The following GRIA4 variants were observed in gnomAD, a reference collection of about 807,000 sequenced individuals.
GRIA4 encodes the protein glutamate receptor 4.
GRIA4 carries 34 observed loss-of-function variants against 104.0 expected under a neutral mutation model. The ratio of observed to expected loss-of-function variants is 0.33; its 90% CI spans 0.25 to 0.44. The LOEUF (loss-of-function observed/expected upper bound fraction) is 0.44, where lower values mean the gene tolerates loss of function less well. GRIA4 is among the 20% of genes least tolerant of loss of function. The pLI is 1.00. For synonymous variants in GRIA4, 386 were observed against 381.9 expected, an observed-to-expected ratio of 1.01 and a Z score of -0.13; for missense variants, 750 against 1,096.5, an observed-to-expected ratio of 0.68 and a Z score of 4.46.
intron 3 of GRIA4, among the ~76,000 whole-genome samples, chr11:105,641,026 A>G (rs1160203697): frequency 6.6e-6 from 1 of 152,136 alleles, no homozygotes; most frequent in Admixed American, 6.6e-5. Flanking sequence ...AACTATGTTT[A>G]CAATCATGGA....
intron 14 of GRIA4, among the ~76,000 whole-genome samples, chr11:105,936,203 G>C (rs1948030886): frequency 6.6e-6 from 1 of 152,136 alleles, no homozygotes; most frequent in South Asian, 2.1e-4. Context: ...GGATTCTTCT[G>C]CTTCAAATGA....
rs67901321 is a variant in GRIA4 at position 105,787,472 on chromosome 11, C to CTTTT, written c.487+34270_487+34273dup. ...GCAGTCTAAAAGATGTAAAGAATTC[C>CTTTT]TTTTTTTTTTTTTTTTTTTTTGAGA... On this transcript the variant is annotated intron_variant, in intron 4 of 16. Transcript: ENST00000282499. Among the ~76,000 whole-genome samples the CTTTT allele has an allele frequency of 1.7e-3, 165 of 98,568 alleles. 2 individuals carry two copies. Among genetic ancestry groups the CTTTT allele is most frequent in the Middle Eastern group, 8.5e-3 (1 of 118 alleles). The allele number at this position is 98,568 out of a possible 152,430, so 64.7% of individuals were successfully genotyped here.
intron 3 of GRIA4, among the ~76,000 whole-genome samples, chr11:105,678,063 G>C (rs1952596997): frequency 6.6e-6 from 1 of 152,058 alleles, no homozygotes; most frequent in Admixed American, 6.6e-5. Flanking sequence ...ATAAATATTT[G>C]TCAGATAAAA....
intron 3 of GRIA4, among the ~76,000 whole-genome samples, chr11:105,662,770 T>C (rs1952050973): frequency 6.6e-6 from 1 of 151,830 alleles, no homozygotes; most frequent in Non-Finnish European, 1.5e-5. Flanking sequence ...GGCAGAAAGC[T>C]ACACATTTCA....
At chr11:105,878,997 T>C (rs1945945308) in intron 5 of GRIA4, among the ~76,000 whole-genome samples, 1 of 152,218 alleles carries the variant, frequency 6.6e-6, no homozygotes, top group African/African-American at 2.4e-5. Context: ...AGCTTTGTGC[T>C]TGAAACCCAA....
chr11:105,808,557 C>G (rs668120), intron 4 of GRIA4, among the ~76,000 whole-genome samples: 68,268 of 151,844 alleles, frequency 0.45, 15,804 homozygotes, highest in Middle Eastern at 0.52. Context: ...TTGAGCATAC[C>G]TGTAATTCAA....
chr11:105,941,981 C>T (rs1056866801), intron 14 of GRIA4, among the ~76,000 whole-genome samples: 1 of 152,086 alleles, frequency 6.6e-6, no homozygotes, highest in African/African-American at 2.4e-5. Context: ...TCTTTTCAGG[C>T]ATTTGCAACT....
intron 4 of GRIA4, among the ~76,000 whole-genome samples, chr11:105,816,327 T>C (rs894658829): frequency 4.6e-5 from 7 of 152,180 alleles, no homozygotes; most frequent in African/African-American, 1.7e-4. Context: ...TGGGAGATAA[T>C]TGGATCATGG....
chr11:105,926,956 A>G lies in GRIA4; in HGVS notation c.2046+17A>G. 1 of 1,530,568 alleles carries G rather than the reference A, an allele frequency of 6.5e-7. No individual in the cohort carries two copies. The highest frequency in any genetic ancestry group is 9.0e-7 in the Non-Finnish European group (1 of 1,106,176). The allele number at this position is 1,530,568 out of a possible 1,614,324, so 94.8% of individuals were successfully genotyped here. On this transcript the variant is annotated intron_variant, in intron 13 of 16. Coordinates refer to ENST00000282499, the MANE Select transcript of GRIA4 (RefSeq NM_000829.4). Reference sequence around the variant, plus strand: ...TTCTTCAGAGTAAGTTAAGGGAAAAACTAAAAATGAAATGTTTATCATTTT... The same window carrying G: ...TTCTTCAGAGTAAGTTAAGGGAAAAGCTAAAAATGAAATGTTTATCATTTT...
chr11:105,657,061 T>C (rs1471625250), intron 3 of GRIA4, among the ~76,000 whole-genome samples: 2 of 151,802 alleles, frequency 1.3e-5, no homozygotes, highest in African/African-American at 4.8e-5. Flanking sequence ...GTTAAACCAA[T>C]GAAGTTCAGT....
At chr11:105,639,195 C>G (rs1270298961) in intron 3 of GRIA4, among the ~76,000 whole-genome samples, 1 of 152,022 alleles carries the variant, frequency 6.6e-6, no homozygotes, top group African/African-American at 2.4e-5. Context: ...CTTCTCTTTC[C>G]AACTCTGAAT....
At chr11:105,934,354 G>A (rs1947970745) in intron 14 of GRIA4, among the ~76,000 whole-genome samples, 1 of 152,012 alleles carries the variant, frequency 6.6e-6, no homozygotes, top group Non-Finnish European at 1.5e-5. Flanking sequence ...CTGGCCACTA[G>A]TCTCTGAGTA....
rs139680623 is a variant in GRIA4, at chr11:105,815,318, T to C, written c.488-46706T>C. 3.3e-3 allele frequency among the ~76,000 whole-genome samples: 509 copies of C among 152,246 alleles called. 4 individuals carry two copies. The highest frequency in any genetic ancestry group is 0.012 in the African/African-American group (480 of 41,550). ...ACATTCATCCATTTGGGGCACAAAT[T>C]TGCTGTTCCCCAAAACAAATCCTTT... On this transcript the variant is annotated intron_variant, in intron 4 of 16. Coordinates refer to ENST00000282499, the MANE Select transcript of GRIA4 (RefSeq NM_000829.4).
At chr11:105,722,778 C>T (rs919231971) in intron 3 of GRIA4, among the ~76,000 whole-genome samples, 3 of 151,854 alleles carry the variant, frequency 2.0e-5, no homozygotes, top group Non-Finnish European at 4.4e-5. Context: ...TACTCCATGT[C>T]CATTGTATTA....
chr11:105,734,537 G>A (rs1160792119), intron 3 of GRIA4, among the ~76,000 whole-genome samples: 1 of 152,018 alleles, frequency 6.6e-6, no homozygotes, highest in Non-Finnish European at 1.5e-5. Flanking sequence ...TCGCTCTCCT[G>A]TTTCAGAACA....
rs775936627 is a variant in GRIA4, at chr11:105,873,046, G to T, written c.672+10838G>T. Among the ~76,000 whole-genome samples, 370 of 152,100 alleles carry T rather than the reference G, an allele frequency of 2.4e-3. 3 individuals carry two copies. The highest frequency in any genetic ancestry group is 3.2e-3 in the Non-Finnish European group (219 of 67,996). ...CCCATCAACCCGTCATCTACATTAGGTATTTCTTCTAATGCTATTCCTCCA... is the reference window on the plus strand; with the variant it reads ...CCCATCAACCCGTCATCTACATTAGTTATTTCTTCTAATGCTATTCCTCCA... On this transcript the variant is annotated intron_variant, in intron 5 of 16. Coordinates refer to ENST00000282499, the MANE Select transcript of GRIA4 (RefSeq NM_000829.4).
intron 3 of GRIA4, among the ~76,000 whole-genome samples, chr11:105,693,551 T>G (rs73627688): frequency 0.012 from 1,805 of 152,278 alleles, 40 homozygotes; most frequent in African/African-American, 0.041. Flanking sequence ...AATCTGGCAT[T>G]TTTTTCCTGC....
chr11:105,960,974 C>T (rs1948730358), intron 14 of GRIA4, among the ~76,000 whole-genome samples: 1 of 152,104 alleles, frequency 6.6e-6, no homozygotes, highest in African/African-American at 2.4e-5. Flanking sequence ...GCCTGGATAC[C>T]TTGGTTGCCT....
Position 105,945,223 on chromosome 11 carries a change from A to G in GRIA4, c.2294+11254A>G, listed in dbSNP as rs184424062. On this transcript the variant is annotated intron_variant, in intron 14 of 16. Transcript: ENST00000282499. ...TTCTGTGAACTCCTACTCTAAGCCA[A>G]TCTTCAAGGTATTAGAGCTCTCTGG... Among the ~76,000 whole-genome samples the G allele has an allele frequency of 6.9e-3, 1,050 of 152,248 alleles. 10 individuals carry two copies. The highest frequency in any genetic ancestry group is 0.011 in the Non-Finnish European group (719 of 68,012).
Sources: gnomAD v4.1 joint callset for allele counts (sites outside exome capture counted in the v4.1 genomes callset) on GRCh38, gnomAD v4.1.1 for gene constraint, MANE v1.5 for transcripts, NCBI Gene and HGNC (gene_info 2026-07-23, HGNC 2026-07-21) for gene names.